The following HTRA3 variants were observed in gnomAD, a reference collection of about 807,000 sequenced individuals.
HTRA3 encodes the protein serine protease HTRA3.
In HTRA3, 41 loss-of-function variants were observed where a neutral mutation model predicts 43.2. The ratio of observed to expected loss-of-function variants is 0.95; its 90% CI spans 0.74 to 1.23. HTRA3 has a LOEUF of 1.23. Ranked by LOEUF, HTRA3 falls within the 50% of genes most tolerant of loss-of-function variation. The pLI is 0.00. For missense variants in HTRA3, 628 were observed against 647.1 expected, an observed-to-expected ratio of 0.97 and a Z score of 0.32; for synonymous variants, 295 against 287.9, an observed-to-expected ratio of 1.02 and a Z score of -0.25.
In HTRA3 at chr4:8,279,968, G is replaced by A. The variant is rs912538055; in HGVS notation, c.386-2469G>A. Among the ~76,000 whole-genome samples, 1 of 152,148 alleles carries A rather than the reference G, an allele frequency of 6.6e-6. No homozygotes were observed. The highest frequency in any genetic ancestry group is 1.5e-5 in the Non-Finnish European group (1 of 68,012). Reference sequence around the variant, plus strand: ...ACACAGGAGGCACCCTGCACGAGTGGCTTGAATAAGGCTGTGAGCAGCGGC... The same window carrying A: ...ACACAGGAGGCACCCTGCACGAGTGACTTGAATAAGGCTGTGAGCAGCGGC... On this transcript the variant is annotated intron_variant, in intron 1 of 8. Transcript: ENST00000307358. This position sits in a 1 kb window ranked among gnomAD's most constrained non-coding sequence, Gnocchi z 7.4.
rs924297629 is a variant in HTRA3, at chr4:8,296,423, T to C, written c.1051+2222T>C. On this transcript the variant is annotated intron_variant, in intron 6 of 8. Coordinates refer to ENST00000307358, the MANE Select transcript of HTRA3 (RefSeq NM_053044.5). This position sits in a 1 kb window ranked among gnomAD's most constrained non-coding sequence, Gnocchi z 5.3. ...ATTTTAAAATCCTTCTGAAGTTGACTGGTGTTTGTACTTGCTTCTCTTTTT... is the reference window on the plus strand; with the variant it reads ...ATTTTAAAATCCTTCTGAAGTTGACCGGTGTTTGTACTTGCTTCTCTTTTT... The C allele has an allele frequency of 2.0e-6, 2 of 985,332 alleles. No homozygotes were observed. The highest frequency in any genetic ancestry group is 1.7e-5 in the African/African-American group (1 of 57,254). 61.0% of individuals were successfully genotyped at this position (985,332 alleles called of 1,614,324 possible).
chr4:8,306,196 C>T lies in HTRA3; in HGVS notation c.*60C>T. 4 of 1,493,062 alleles carry T rather than the reference C, an allele frequency of 2.7e-6. No individual in the cohort carries two copies. Among genetic ancestry groups the T allele is most frequent in the Non-Finnish European group, 3.6e-6 (4 of 1,115,008 alleles). 92.5% of individuals were successfully genotyped at this position (1,493,062 alleles called of 1,614,324 possible). A position where few individuals can be genotyped will look rare whatever the true frequency, so the allele number is the denominator to read the frequency against. The stretch of plus-strand genomic sequence containing the variant: ...TGCAGACAACGGAGGGCAGCGCCCC[C>T]CCGAGATCAGGACGAAGGACCACCG... On this transcript the variant is annotated 3_prime_UTR_variant, in exon 9 of 9. Coordinates refer to ENST00000307358, the MANE Select transcript of HTRA3 (RefSeq NM_053044.5). This position sits in a 1 kb window ranked among gnomAD's most constrained non-coding sequence, Gnocchi z 8.9.
Position 8,270,287 on chromosome 4 carries a change from AGCC to A in HTRA3, c.325_327del (p.Arg109del). ...CAACGTGTGCGCGCTGCAGGCGGCC[AGCC>A]GCCGCGCGCTGCAGCTCTCCGGGAC... is the stretch of plus-strand genomic sequence containing the variant. On this transcript the variant is annotated inframe_deletion, in exon 1 of 9. Transcript: ENST00000307358. The A allele has an allele frequency of 1.3e-6, 2 of 1,483,168 alleles. No homozygotes were observed. Among genetic ancestry groups the A allele is most frequent in the Non-Finnish European group, 1.8e-6 (2 of 1,123,110 alleles). The allele number at this position is 1,483,168 out of a possible 1,614,324, so 91.9% of individuals were successfully genotyped here.
intron 3 of HTRA3, among the ~76,000 whole-genome samples, chr4:8,289,730 T>C (rs1347164893): frequency 1.3e-5 from 2 of 152,172 alleles, no homozygotes; most frequent in African/African-American, 4.8e-5. Context: ...GACCCTCACC[T>C]GTGCCCCCTC....
At chr4:8,274,692 G>C (rs1338898157) in intron 1 of HTRA3, among the ~76,000 whole-genome samples, 1 of 152,196 alleles carries the variant, frequency 6.6e-6, no homozygotes, top group Non-Finnish European at 1.5e-5. Context: ...TAAAAGCAGG[G>C]ATAAATGCGT....
chr4:8,305,896 C>T (rs1342397880), intron 8 of HTRA3, 75 bp from the exon 9 acceptor site: 5 of 1,547,668 alleles, frequency 3.2e-6, no homozygotes, highest in Non-Finnish European at 4.4e-6. Context: ...CTGACTGTGC[C>T]TCGCTCTGGG....
intron 1 of HTRA3, among the ~76,000 whole-genome samples, chr4:8,280,622 A>C (rs1479390479): frequency 6.6e-6 from 1 of 152,172 alleles, no homozygotes; most frequent in Non-Finnish European, 1.5e-5. Context: ...ACGTGGGCAG[A>C]GAGAGCCCTG....
chr4:8,269,992 G>T lies in HTRA3; in HGVS notation c.24G>T (p.Leu8=). The T allele has an allele frequency of 8.0e-7, 1 of 1,251,300 alleles. No individual in the cohort carries two copies. The highest frequency in any genetic ancestry group is 1.0e-6 in the Non-Finnish European group (1 of 1,002,450). 77.5% of individuals were successfully genotyped at this position (1,251,300 alleles called of 1,614,324 possible). A position where few individuals can be genotyped will look rare whatever the true frequency, so the allele number is the denominator to read the frequency against. ...CCATGCAGGCGCGAGCGCTGCTCCTGGCCGCGTTGGCCGCGCTGGCGCTGG... is the reference window on the plus strand; with the variant it reads ...CCATGCAGGCGCGAGCGCTGCTCCTTGCCGCGTTGGCCGCGCTGGCGCTGG... MQARALL[L]AALAALALAR... Residue 8 remains leucine (L), a synonymous_variant, in exon 1 of 9, where the codon CTG becomes CTT. Transcript: ENST00000307358.
chr4:8,282,614 G>A (rs1578793694), intron 2 of HTRA3, 78 bp downstream of exon 2: 1 of 1,100,402 alleles, frequency 9.1e-7, no homozygotes, highest in South Asian at 1.3e-5. Context: ...CCCAAACCAG[G>A]CTTGATTCTG....
chr4:8,287,933 C>A (rs1713061712), intron 3 of HTRA3, among the ~76,000 whole-genome samples: 1 of 152,236 alleles, frequency 6.6e-6, no homozygotes, highest in South Asian at 2.1e-4. Context: ...GAGTTACTTG[C>A]AGCTCCCCAT....
At chr4:8,275,323 C>G (rs1308129635) in intron 1 of HTRA3, among the ~76,000 whole-genome samples, 1 of 152,224 alleles carries the variant, frequency 6.6e-6, no homozygotes, top group African/African-American at 2.4e-5. Flanking sequence ...CTTGGCGAGA[C>G]CCGGACCCTC....
At chr4:8,305,937 C>T (rs747144711) in intron 8 of HTRA3, 34 bp from the exon 9 acceptor site, 15 of 1,609,912 alleles carry the variant, frequency 9.3e-6, no homozygotes, top group Admixed American at 8.4e-5. Context: ...CCTGGGGAGG[C>T]GGTGGGTGGT....
Position 8,274,136 on chromosome 4 carries a change from A to C in HTRA3, c.385+3783A>C, listed in dbSNP as rs955643482. On this transcript the variant is annotated intron_variant, in intron 1 of 8. Transcript: ENST00000307358. ...GCCCTGTGCCTGCCACCTGGCCCGCATCACCCTCGGTGCCGTCTCCCACTG... is the reference window on the plus strand; with the variant it reads ...GCCCTGTGCCTGCCACCTGGCCCGCCTCACCCTCGGTGCCGTCTCCCACTG... 2.0e-5 allele frequency among the ~76,000 whole-genome samples: 3 copies of C among 152,196 alleles called. No individual in the cohort carries two copies. In the East Asian group the frequency reaches 5.8e-4, roughly 29 times the overall value.
chr4:8,292,430 G>A lies in HTRA3; in HGVS notation c.936+77G>A, dbSNP rs1713285973. ...ATGGGGGTGCTCAGCCTTGAGGTGG[G>A]ACAGGGCCCACAATATGGTCCTAGA... On this transcript the variant is annotated intron_variant, in intron 5 of 8. Coordinates refer to ENST00000307358, the MANE Select transcript of HTRA3 (RefSeq NM_053044.5). The A allele has an allele frequency of 8.3e-6, 10 of 1,209,510 alleles. No individual in the cohort carries two copies. In the East Asian group the frequency reaches 2.4e-4, roughly 28 times the overall value. The allele number at this position is 1,209,510 out of a possible 1,614,324, so 74.9% of individuals were successfully genotyped here. A position where few individuals can be genotyped will look rare whatever the true frequency, so the allele number is the denominator to read the frequency against.
At chr4:8,288,897 C>A (rs1403659298) in intron 3 of HTRA3, among the ~76,000 whole-genome samples, 1 of 86,762 alleles carries the variant, frequency 1.2e-5, no homozygotes, top group Non-Finnish European at 2.5e-5. Flanking sequence ...TTCCTTCCGT[C>A]CGTCCTTCCT....
intron 1 of HTRA3, among the ~76,000 whole-genome samples, chr4:8,276,537 A>T (rs958110775): frequency 5.9e-5 from 9 of 152,154 alleles, no homozygotes; most frequent in Non-Finnish European, 1.2e-4. Flanking sequence ...CAAGGCAGGG[A>T]GGGCTTCCTG....
intron 2 of HTRA3, among the ~76,000 whole-genome samples, chr4:8,284,148 C>T (rs1262352433): frequency 6.6e-6 from 1 of 152,206 alleles, no homozygotes. Flanking sequence ...GCAGGACCCA[C>T]AGCCCTGGTT....
intron 3 of HTRA3, 35 bp from the exon 4 acceptor site, chr4:8,291,335 C>G (rs890617364): frequency 6.3e-7 from 1 of 1,585,096 alleles, no homozygotes; most frequent in Non-Finnish European, 8.7e-7. Flanking sequence ...GACGGCTAAG[C>G]CTCCCTCTCT....
chr4:8,270,009 T>C lies in HTRA3; in HGVS notation c.41T>C (p.Leu14Pro). The change falls in exon 1 of 9, where the codon CTG becomes CCG. Residue 14 changes from leucine to proline, a missense_variant. Coordinates refer to ENST00000307358, the MANE Select transcript of HTRA3 (RefSeq NM_053044.5). ...CTGCTCCTGGCCGCGTTGGCCGCGCTGGCGCTGGCCCGGGAGCCCCCTGCG... is the reference window on the plus strand; with the variant it reads ...CTGCTCCTGGCCGCGTTGGCCGCGCCGGCGCTGGCCCGGGAGCCCCCTGCG... ...RALLLAALAA[L>P]ALAREPPAAP... 7.8e-7 allele frequency: 1 copy of C among 1,281,232 alleles called. No individual in the cohort carries two copies. Among genetic ancestry groups the C allele is most frequent in the Non-Finnish European group, 9.8e-7 (1 of 1,020,124 alleles). The allele number at this position is 1,281,232 out of a possible 1,614,324, so 79.4% of individuals were successfully genotyped here.
Sources: gnomAD v4.1 joint callset for allele counts (sites outside exome capture counted in the v4.1 genomes callset) on GRCh38, gnomAD v4.1.1 for gene constraint, Gnocchi (gnomAD v3.1) non-coding constraint, MANE v1.5 for transcripts, NCBI Gene and HGNC (gene_info 2026-07-23, HGNC 2026-07-21) for gene names.